The following SLC44A4 variants were observed in gnomAD, a reference collection of about 807,000 sequenced individuals.
The protein encoded by SLC44A4 is choline transporter-like protein 4.
In SLC44A4, 74 loss-of-function variants were observed where a neutral mutation model predicts 97.0. That is an observed-to-expected ratio of 0.76 (90% confidence interval 0.63 to 0.93). SLC44A4 has a LOEUF of 0.93. Among genes scored for constraint, SLC44A4 ranks in the 40% least tolerant of loss-of-function variants. The pLI is 0.00. For missense variants in SLC44A4, 799 were observed against 902.9 expected (o/e 0.88, Z 1.48); for synonymous variants, 325 against 363.8 (o/e 0.89, Z 1.21).
chr6:31,876,967 G>T lies in SLC44A4; in HGVS notation c.89+67C>A. 6.9e-7 allele frequency: 1 copy of T among 1,455,412 alleles called. No individual in the cohort carries two copies. Among genetic ancestry groups the T allele is most frequent in the Non-Finnish European group, 9.4e-7 (1 of 1,068,874 alleles). 90.2% of individuals were successfully genotyped at this position (1,455,412 alleles called of 1,614,324 possible). A position where few individuals can be genotyped will look rare whatever the true frequency, so the allele number is the denominator to read the frequency against. On this transcript the variant is annotated intron_variant, in intron 2 of 20. Coordinates refer to ENST00000229729, the MANE Select transcript of SLC44A4 (RefSeq NM_025257.3). This position sits in a 1 kb window ranked among gnomAD's most constrained non-coding sequence, Gnocchi z 4.8. ...CTACTAATATTTTAGCAAATACAAA[G>T]CAAATACTGGATTCCACACTGCACC...
intron 13 of SLC44A4, 108 bp from the exon 14 acceptor site, chr6:31,866,234 G>C: frequency 7.2e-7 from 1 of 1,390,810 alleles, no homozygotes; most frequent in Non-Finnish European, 9.8e-7. Flanking sequence ...TTGACAGGTG[G>C]GAAGTAGCTT....
chr6:31,870,537 A>AG, intron 11 of SLC44A4, 66 bp downstream of exon 11: 1 of 1,325,194 alleles, frequency 7.5e-7, no homozygotes, highest in Non-Finnish European at 1.1e-6. Context: ...AGCACCCCCT[A>AG]GGTCCCCTAG....
rs1417259458 is a variant in SLC44A4 at position 31,875,035 on chromosome 6, G to A, written c.243-7C>T. On this transcript the variant is annotated splice_region_variant and splice_polypyrimidine_tract_variant and intron_variant, in intron 4 of 20. Coordinates refer to ENST00000229729, the MANE Select transcript of SLC44A4 (RefSeq NM_025257.3). ...CAGGAGATACGGCTTATCTCTGTGG[G>A]AGGGGAGGGACCATGTGCATCAGGG... is the stretch of plus-strand genomic sequence containing the variant. 4 of 1,607,424 alleles carry A rather than the reference G, an allele frequency of 2.5e-6. No individual in the cohort carries two copies. Among genetic ancestry groups the A allele is most frequent in the Non-Finnish European group, 2.6e-6 (3 of 1,176,392 alleles).
rs762724425 is a variant in SLC44A4 at position 31,869,604 on chromosome 6, G to C, written c.1071C>G (p.Tyr357Ter). ...GGAGGAGGACAAAGGTGACCAGTGGGTAGAACATGGTAGACATCATCTGTC... is the reference window on the plus strand; with the variant it reads ...GGAGGAGGACAAAGGTGACCAGTGGCTAGAACATGGTAGACATCATCTGTC... ...AVGQMMSTMF[Y>*]PLVTFVLLLI... The change falls in exon 12 of 21, where the codon TAC (tyrosine) becomes TAG (stop). Residue 357 changes from tyrosine to a stop codon, truncating the protein, a stop_gained. Coordinates refer to ENST00000229729, the MANE Select transcript of SLC44A4 (RefSeq NM_025257.3). LOFTEE classifies it high-confidence loss of function. 6.2e-7 allele frequency: 1 copy of C among 1,605,582 alleles called. No individual in the cohort carries two copies. Among genetic ancestry groups the C allele is most frequent in the Admixed American group, 1.7e-5 (1 of 58,948 alleles).
chr6:31,870,004 G>A (rs1027304038), intron 11 of SLC44A4, among the ~76,000 whole-genome samples: 1 of 151,528 alleles, frequency 6.6e-6, no homozygotes, highest in African/African-American at 2.4e-5. Flanking sequence ...AAAAGGGGGG[G>A]GCTGACCCCT....
chr6:31,871,278 G>A, intron 9 of SLC44A4, 36 bp downstream of exon 9: 1 of 1,584,996 alleles, frequency 6.3e-7, no homozygotes. Flanking sequence ...GAGGAAGAAG[G>A]CAAGGACACA....
chr6:31,868,984 C>T (rs749403759), intron 13 of SLC44A4, among the ~76,000 whole-genome samples, 171 bp downstream of exon 13: 1 of 152,094 alleles, frequency 6.6e-6, no homozygotes, highest in East Asian at 1.9e-4. Context: ...AACAGGAGTA[C>T]CAGGTATTCT....
chr6:31,871,327 A>G lies in SLC44A4; in HGVS notation c.688T>C (p.Tyr230His). Residue 230 changes from tyrosine (Y) to histidine (H), a missense_variant, in exon 9 of 21, where the codon TAT (tyrosine) becomes CAT (histidine). By Grantham distance (83) the Tyr-to-His change is moderately conservative. Transcript: ENST00000229729. ...KIFEDFAQSW[Y>H]WILVALGVAL... Reference sequence around the variant, plus strand: ...CTGGTGACTCACACAAGAATCCAATACCAGGACTGGGCAAAATCTTCAAAG... The same window carrying G: ...CTGGTGACTCACACAAGAATCCAATGCCAGGACTGGGCAAAATCTTCAAAG... 1 of 1,614,084 alleles carries G rather than the reference A, an allele frequency of 6.2e-7. No individual in the cohort carries two copies. Among genetic ancestry groups the G allele is most frequent in the South Asian group, 1.1e-5 (1 of 91,074 alleles).
At chr6:31,872,111 G>A (rs1269021129) in intron 7 of SLC44A4, among the ~76,000 whole-genome samples, 2 of 152,062 alleles carry the variant, frequency 1.3e-5, no homozygotes, top group African/African-American at 4.8e-5. Context: ...CCTCCTCCAG[G>A]AAGCCTTCTG....
At chr6:31,869,057 C>T (rs1763004334) in intron 13 of SLC44A4, 98 bp downstream of exon 13, 1 of 1,002,306 alleles carries the variant, frequency 1.0e-6, no homozygotes, top group Non-Finnish European at 1.5e-6. Context: ...AGTTTCTTGC[C>T]CTCTGTGGCC....
intron 13 of SLC44A4, among the ~76,000 whole-genome samples, chr6:31,867,739 A>AG (rs1762940491): frequency 6.6e-6 from 1 of 151,934 alleles, no homozygotes; most frequent in Non-Finnish European, 1.5e-5. Context: ...GAAAAAAAAA[A>AG]GAAAAAGAAA....
chr6:31,872,645 G>A (rs1456577933), intron 7 of SLC44A4, among the ~76,000 whole-genome samples: 2 of 151,136 alleles, frequency 1.3e-5, no homozygotes, highest in Admixed American at 1.3e-4. Flanking sequence ...TGATCCTCCC[G>A]CCTTAGCCTC....
At position 31,863,710 on chromosome 6, in the gene SLC44A4, G is replaced by T; in HGVS notation, c.2050C>A (p.Pro684Thr). Residue 684 changes from proline to threonine, a missense_variant, in exon 21 of 21, where the codon CCC becomes ACC. Transcript: ENST00000229729. ...LERNNGSLDRPYYMSKSLLKI... is the reference protein window; with the variant it reads ...LERNNGSLDRTYYMSKSLLKI... ...AGAAGGCTCTTGGACATGTAGTAGG[G>T]CCGGTCCAGGGAGCCGTTGTTCCGC... The T allele has an allele frequency of 6.8e-6, 11 of 1,612,770 alleles. No individual in the cohort carries two copies. The highest frequency in any genetic ancestry group is 8.5e-6 in the Non-Finnish European group (10 of 1,179,966).
chr6:31,873,658 C>T (rs1763291647), intron 7 of SLC44A4, among the ~76,000 whole-genome samples: 1 of 149,558 alleles, frequency 6.7e-6, no homozygotes, highest in Admixed American at 6.7e-5. Flanking sequence ...ACATTTGCTA[C>T]TGGAAGGAAG....
In SLC44A4 at chr6:31,874,986, G is replaced by C. The variant is rs1214019190; in HGVS notation, c.285C>G (p.Ile95Met). 1.6e-5 allele frequency: 26 copies of C among 1,613,208 alleles called. No individual in the cohort carries two copies. The highest frequency in any genetic ancestry group is 2.2e-5 in the Non-Finnish European group (26 of 1,180,026). ...CAACTGAGATGATGTTGCTGGACAG[G>C]ATGCAGCTGAAGATGTTGAAGTACA... is the stretch of plus-strand genomic sequence containing the variant. ...YLLYFNIFSC[I>M]LSSNIISVAE... The change falls in exon 5 of 21, where the codon ATC becomes ATG. Residue 95 changes from isoleucine to methionine, a missense_variant. By Grantham distance (10) the Ile-to-Met change is conservative (BLOSUM62 1). Around this residue, in one of 3 missense-constraint regions of SLC44A4, gnomAD observed 409 missense variants for 434.1 expected, o/e 0.94. Coordinates refer to ENST00000229729, the MANE Select transcript of SLC44A4 (RefSeq NM_025257.3). This position sits in a 1 kb window ranked among gnomAD's most constrained non-coding sequence, Gnocchi z 4.8.
Position 31,865,294 on chromosome 6 carries a change from G to C in SLC44A4, c.1760+21C>G. On this transcript the variant is annotated intron_variant, in intron 17 of 20. Transcript: ENST00000229729. The surrounding 1 kb of genome is among the most constrained non-coding windows in gnomAD (Gnocchi z 5.2). ...GGAGATCAGAGGAGGGAGCCACAAA[G>C]CGGGGGGGGAGCAGCCTAACCTGAC... 3 of 1,613,496 alleles carry C rather than the reference G, an allele frequency of 1.9e-6. No individual in the cohort carries two copies. The highest frequency in any genetic ancestry group is 2.2e-5 in the South Asian group (2 of 91,076).
intron 4 of SLC44A4, 45 bp downstream of exon 4, chr6:31,875,807 T>C (rs2151570564): frequency 6.5e-7 from 1 of 1,542,236 alleles, no homozygotes; most frequent in Non-Finnish European, 8.8e-7. Flanking sequence ...CTGCCCACCC[T>C]ACCTCGCCTC....
rs1482166844 is a variant in SLC44A4, at chr6:31,870,663, A to T, written c.977T>A (p.Met326Lys). ...AATCCGCTGCCGCAGGAAGATGAGC[A>T]TCAGCAGCAGGATGGCTTCAAGCAC... Reference protein sequence around the residue: ...LAVLEAILLLMLIFLRQRIRI... With the variant: ...LAVLEAILLLKLIFLRQRIRI... The change falls in exon 11 of 21, where the codon ATG (methionine) becomes AAG (lysine). Residue 326 changes from methionine (M) to lysine (K), a missense_variant. By Grantham distance (95) the Met-to-Lys change is moderately conservative. This residue lies in a region of SLC44A4 where 409 missense variants were observed against 434.1 expected (regional missense o/e 0.94). Transcript: ENST00000229729. 4.3e-6 allele frequency: 7 copies of T among 1,610,910 alleles called. No individual in the cohort carries two copies. Among genetic ancestry groups the T allele is most frequent in the Non-Finnish European group, 5.9e-6 (7 of 1,179,108 alleles).
At position 31,878,807 on chromosome 6, in the gene SLC44A4, C is replaced by T. The variant is rs1029570313; in HGVS notation, c.40+134G>A. The stretch of plus-strand genomic sequence containing the variant: ...CCTGACTCCCTCCCTCCATGGCTCC[C>T]GGTTCCCGGGCCCTCCCCTCAGGGA... On this transcript the variant is annotated intron_variant, in intron 1 of 20. Coordinates refer to ENST00000229729, the MANE Select transcript of SLC44A4 (RefSeq NM_025257.3). The surrounding 1 kb of genome is among the most constrained non-coding windows in gnomAD (Gnocchi z 4.0). The T allele has an allele frequency of 1.2e-5, 13 of 1,105,836 alleles. No homozygotes were observed. The highest frequency in any genetic ancestry group is 6.2e-5 in the African/African-American group (4 of 64,944). 68.5% of individuals were successfully genotyped at this position (1,105,836 alleles called of 1,614,324 possible).
Sources: allele counts gnomAD v4.1 joint callset (sites outside exome capture counted in the v4.1 genomes callset), GRCh38; gene constraint gnomAD v4.1.1; regional missense constraint gnomAD v4.1.1; non-coding constraint Gnocchi (gnomAD v3.1); transcripts MANE v1.5; gene names NCBI Gene and HGNC (gene_info 2026-07-23, HGNC 2026-07-21).